The following MTUS2 variants were observed in gnomAD, a reference collection of about 807,000 sequenced individuals.
MTUS2 encodes microtubule associated scaffold protein 2, also known as microtubule-associated tumor suppressor candidate 2.
In MTUS2, 40 loss-of-function variants were observed where a neutral mutation model predicts 114.1. The ratio of observed to expected loss-of-function variants is 0.35; its 90% CI spans 0.27 to 0.46. The LOEUF (loss-of-function observed/expected upper bound fraction) is 0.46, where lower values mean the gene tolerates loss of function less well. Ranked by LOEUF, MTUS2 falls within the 20% of genes least tolerant of loss-of-function variation. The pLI is 1.00. For missense variants in MTUS2, 1,679 were observed against 1,705.4 expected (o/e 0.98, Z 0.27); for synonymous variants, 688 against 672.0 (o/e 1.02, Z -0.37).
At chr13:29,430,762 A>C (rs191194501) in intron 8 of MTUS2, among the ~76,000 whole-genome samples, 15 of 152,360 alleles carry the variant, frequency 9.8e-5, no homozygotes, top group Admixed American at 2.6e-4. Context: ...TTTAATTGAT[A>C]GTTACCTATT....
At chr13:29,466,142 C>T (rs981337101) in intron 9 of MTUS2, among the ~76,000 whole-genome samples, 35 of 152,356 alleles carry the variant, frequency 2.3e-4, no homozygotes, top group African/African-American at 8.4e-4. Flanking sequence ...CCACCTCCCA[C>T]CTTTTGAGGA....
At chr13:28,905,013 G>A (rs1879898393) in intron 2 of MTUS2, among the ~76,000 whole-genome samples, 1 of 151,542 alleles carries the variant, frequency 6.6e-6, no homozygotes, top group South Asian at 2.1e-4. Flanking sequence ...TCTCTTTGAA[G>A]CAATTGTGAA....
intron 5 of MTUS2, among the ~76,000 whole-genome samples, chr13:29,121,809 A>T (rs1241197282): frequency 6.6e-6 from 1 of 152,122 alleles, no homozygotes. Context: ...GGCATGTACC[A>T]GCACACCCAG....
At chr13:29,173,829 C>A (rs1262722502) in intron 5 of MTUS2, among the ~76,000 whole-genome samples, 1 of 151,966 alleles carries the variant, frequency 6.6e-6, no homozygotes, top group Non-Finnish European at 1.5e-5. Flanking sequence ...ATAAAAATCG[C>A]AAAAACACAT....
At chr13:29,317,268 T>C (rs1014012178) in intron 6 of MTUS2, among the ~76,000 whole-genome samples, 9 of 152,148 alleles carry the variant, frequency 5.9e-5, no homozygotes, top group African/African-American at 2.2e-4. Flanking sequence ...AAATCCACCT[T>C]CCCAGTATTC....
At chr13:29,161,356 TG>T (rs1330911655) in intron 5 of MTUS2, among the ~76,000 whole-genome samples, 1 of 151,872 alleles carries the variant, frequency 6.6e-6, no homozygotes, top group Non-Finnish European at 1.5e-5. Flanking sequence ...GTGATATAAT[TG>T]AAGGAAAAAA....
chr13:28,922,752 A>T (rs1881114494), intron 2 of MTUS2, among the ~76,000 whole-genome samples: 1 of 152,130 alleles, frequency 6.6e-6, no homozygotes, highest in Non-Finnish European at 1.5e-5. Context: ...ACCCCCCTTC[A>T]GTGCCTCTTT....
At chr13:29,082,756 C>G (rs936312901) in intron 4 of MTUS2, among the ~76,000 whole-genome samples, 3 of 152,088 alleles carry the variant, frequency 2.0e-5, no homozygotes, top group African/African-American at 7.2e-5. Context: ...CAGGAGAGAT[C>G]AGCACATGGC....
At chr13:29,227,837 A>G (rs1896171898) in intron 5 of MTUS2, among the ~76,000 whole-genome samples, 1 of 152,358 alleles carries the variant, frequency 6.6e-6, no homozygotes, top group South Asian at 2.1e-4. Flanking sequence ...AACACATGCC[A>G]TAGAGAATAT....
At chr13:29,314,887 A>G (rs1899922786) in intron 6 of MTUS2, among the ~76,000 whole-genome samples, 1 of 152,214 alleles carries the variant, frequency 6.6e-6, no homozygotes, top group Non-Finnish European at 1.5e-5. Context: ...TGTTTATTGC[A>G]ACACTATTCA....
intron 9 of MTUS2, among the ~76,000 whole-genome samples, chr13:29,471,330 C>G (rs1378129928): frequency 6.6e-6 from 1 of 151,888 alleles, no homozygotes; most frequent in Non-Finnish European, 1.5e-5. Flanking sequence ...GAGCGAGACT[C>G]CATCTCAAAA....
At chr13:28,996,769 T>A (rs1249729642) in intron 2 of MTUS2, among the ~76,000 whole-genome samples, 1 of 152,170 alleles carries the variant, frequency 6.6e-6, no homozygotes, top group African/African-American at 2.4e-5. Context: ...TTTTATTGCG[T>A]CTATTTGATT....
chr13:29,298,366 T>G (rs1224610979), intron 6 of MTUS2, among the ~76,000 whole-genome samples: 3 of 152,224 alleles, frequency 2.0e-5, no homozygotes, highest in Non-Finnish European at 4.4e-5. Flanking sequence ...AAACTCTACT[T>G]GTGTCATAAA....
chr13:29,327,050 T>C (rs9551646), intron 7 of MTUS2, among the ~76,000 whole-genome samples: 113,205 of 152,016 alleles, frequency 0.74, 45,244 homozygotes, highest in East Asian at 0.91. Flanking sequence ...TTAAACAGTC[T>C]AAAGGTATGT....
intron 5 of MTUS2, among the ~76,000 whole-genome samples, chr13:29,175,652 CT>C (rs1413627115): frequency 6.6e-6 from 1 of 152,140 alleles, no homozygotes; most frequent in Non-Finnish European, 1.5e-5. Flanking sequence ...CTAATGATTG[CT>C]TTTGGGCAAG....
At chr13:28,880,376 G>C (rs975616334) in intron 2 of MTUS2, among the ~76,000 whole-genome samples, 7 of 152,142 alleles carry the variant, frequency 4.6e-5, no homozygotes, top group Admixed American at 4.6e-4. Flanking sequence ...AGCAGTAAAT[G>C]AATAAAGCAA....
intron 5 of MTUS2, among the ~76,000 whole-genome samples, chr13:29,198,117 G>A (rs12868751): frequency 6.6e-6 from 1 of 152,148 alleles, no homozygotes; most frequent in African/African-American, 2.4e-5. Flanking sequence ...CATTGCTTTT[G>A]GTGTTTTAGT....
At chr13:29,085,218 G>C (rs1365056885) in intron 4 of MTUS2, among the ~76,000 whole-genome samples, 1 of 152,182 alleles carries the variant, frequency 6.6e-6, no homozygotes, top group Non-Finnish European at 1.5e-5. Context: ...CATACAGCTA[G>C]AAGAACCATG....
At chr13:28,943,827 G>C (rs1333223324) in intron 2 of MTUS2, among the ~76,000 whole-genome samples, 1 of 152,146 alleles carries the variant, frequency 6.6e-6, no homozygotes, top group East Asian at 1.9e-4. Flanking sequence ...CTGGAGGGCA[G>C]GGAATGCCAC....
Sources: allele counts gnomAD v4.1 joint callset (sites outside exome capture counted in the v4.1 genomes callset), GRCh38; gene constraint gnomAD v4.1.1; transcripts MANE v1.5; gene names NCBI Gene and HGNC (gene_info 2026-07-23, HGNC 2026-07-21).